CCDC88C: variants seen among roughly 807,000 people sequenced by gnomAD.
CCDC88C encodes coiled-coil and HOOK domain protein 88C, also known as protein Daple.
In CCDC88C, 131 loss-of-function variants were observed where a neutral mutation model predicts 198.8. That is an observed-to-expected ratio of 0.66 (90% CI 0.57 to 0.76). The LOEUF (loss-of-function observed/expected upper bound fraction) is 0.76, where lower values mean the gene tolerates loss of function less well. Among genes scored for constraint, CCDC88C ranks in the 30% least tolerant of loss-of-function variants. The pLI is 0.00. For synonymous variants in CCDC88C, 1,166 were observed against 1,114.7 expected, an observed-to-expected ratio of 1.05 and a Z score of -0.92; for missense variants, 2,553 against 2,631.6, an observed-to-expected ratio of 0.97 and a Z score of 0.65.
chr14:91,313,520 C>A lies in CCDC88C; in HGVS notation c.2296G>T (p.Ala766Ser). ...CTCTGCTGCAGCCGGAGGTTCTCAG[C>A]GCTCACGCTCTGGTAGCTGAGCTCC... ...RLELSYQSVS[A>S]ENLRLQQSLE... The change falls in exon 15 of 30, where the codon GCT becomes TCT. Residue 766 changes from alanine (A) to serine (S), a missense_variant. Ala to Ser is a moderately conservative substitution (Grantham distance 99, BLOSUM62 1). Around this residue, in one of 2 missense-constraint regions of CCDC88C, gnomAD observed 1,260 missense variants for 1,412.0 expected, o/e 0.89. Coordinates refer to ENST00000389857, the MANE Select transcript of CCDC88C (RefSeq NM_001080414.4). This position sits in a 1 kb window ranked among gnomAD's most constrained non-coding sequence, Gnocchi z 5.2. The A allele has an allele frequency of 1.2e-6, 2 of 1,609,162 alleles. No homozygotes were observed. Among genetic ancestry groups the A allele is most frequent in the Non-Finnish European group, 1.7e-6 (2 of 1,179,870 alleles).
At chr14:91,278,355 G>T in intron 28 of CCDC88C, 144 bp from the exon 29 acceptor site, 1 of 752,740 alleles carries the variant, frequency 1.3e-6, no homozygotes, top group Non-Finnish European at 2.0e-6. Context: ...ATTCCCACCA[G>T]GCTGAAAGTC....
intron 13 of CCDC88C, 108 bp downstream of exon 13, chr14:91,321,012 T>C: frequency 9.5e-7 from 1 of 1,052,036 alleles, no homozygotes; most frequent in Non-Finnish European, 1.3e-6. Flanking sequence ...GACACCTGCA[T>C]GCTCTACCTG....
At chr14:91,412,826 T>C (rs1303190042) in intron 2 of CCDC88C, among the ~76,000 whole-genome samples, 2 of 152,168 alleles carry the variant, frequency 1.3e-5, no homozygotes, top group South Asian at 2.1e-4. Context: ...GTAAAAATTG[T>C]TTTTTCCCAA....
At chr14:91,275,037 G>A (rs1889895646) in intron 29 of CCDC88C, among the ~76,000 whole-genome samples, 1 of 152,166 alleles carries the variant, frequency 6.6e-6, no homozygotes, top group East Asian at 1.9e-4. Flanking sequence ...TGGGGGCGCG[G>A]TGGGCATACG....
rs2139728459 is a variant in CCDC88C, at chr14:91,283,223, T to A, written c.4630+106A>T. On this transcript the variant is annotated intron_variant, in intron 26 of 29. Coordinates refer to ENST00000389857, the MANE Select transcript of CCDC88C (RefSeq NM_001080414.4). ...CAGCCTCACCCCTCTACTCACCACC[T>A]CTCAGACTGAGAGGGAGAGCAACCT... The A allele has an allele frequency of 1.2e-5, 14 of 1,170,946 alleles. No homozygotes were observed. The South Asian group carries it at 1.9e-4, about 16-fold the overall frequency. 72.5% of individuals were successfully genotyped at this position (1,170,946 alleles called of 1,614,324 possible).
At chr14:91,331,937 C>A (rs1268151225) in intron 10 of CCDC88C, among the ~76,000 whole-genome samples, 1 of 151,990 alleles carries the variant, frequency 6.6e-6, no homozygotes, top group Non-Finnish European at 1.5e-5. Context: ...TAGACTGTGC[C>A]CAGCTAGGTC....
intron 6 of CCDC88C, among the ~76,000 whole-genome samples, chr14:91,340,728 A>G (rs1409009776): frequency 1.3e-5 from 2 of 152,204 alleles, no homozygotes; most frequent in East Asian, 3.8e-4. Flanking sequence ...AAAACAATGA[A>G]ATCAGGGGTA....
rs1167685927 is a variant in CCDC88C, at chr14:91,415,707, C to CGA, written c.161+1029_161+1030dup. Among the ~76,000 whole-genome samples, 3 of 149,458 alleles carry CGA rather than the reference C, an allele frequency of 2.0e-5. No individual in the cohort carries two copies. The East Asian group carries it at 5.9e-4, about 29-fold the overall frequency. Reference sequence around the variant, plus strand: ...TGCACTCCAGCCTGGGCAACAAGAGCGAAACTCCGTCTCCAAAAAAAAAAA... The same window carrying CGA: ...TGCACTCCAGCCTGGGCAACAAGAGCGAGAAACTCCGTCTCCAAAAAAAAAAA... On this transcript the variant is annotated intron_variant, in intron 2 of 29. Coordinates refer to ENST00000389857, the MANE Select transcript of CCDC88C (RefSeq NM_001080414.4).
At position 91,325,069 on chromosome 14, in the gene CCDC88C, A is replaced by G; in HGVS notation, c.1198-146T>C. On this transcript the variant is annotated intron_variant, in intron 11 of 29. Coordinates refer to ENST00000389857, the MANE Select transcript of CCDC88C (RefSeq NM_001080414.4). This position sits in a 1 kb window ranked among gnomAD's most constrained non-coding sequence, Gnocchi z 4.1. Reference sequence around the variant, plus strand: ...CAAATAAACAGAGCTGCACAGAAACATCCCAACACAGGGCCCTGCTATGAG... The same window carrying G: ...CAAATAAACAGAGCTGCACAGAAACGTCCCAACACAGGGCCCTGCTATGAG... 1 of 1,062,420 alleles carries G rather than the reference A, an allele frequency of 9.4e-7. No individual in the cohort carries two copies. The allele number at this position is 1,062,420 out of a possible 1,614,324, so 65.8% of individuals were successfully genotyped here. A position where few individuals can be genotyped will look rare whatever the true frequency, so the allele number is the denominator to read the frequency against.
intron 2 of CCDC88C, among the ~76,000 whole-genome samples, chr14:91,413,941 T>C (rs1886920028): frequency 6.6e-6 from 1 of 152,178 alleles, no homozygotes; most frequent in African/African-American, 2.4e-5. Flanking sequence ...GTATGGGAGA[T>C]GAGGCAGAAC....
At position 91,415,376 on chromosome 14, in the gene CCDC88C, T is replaced by TA. The variant is rs11306458; in HGVS notation, c.161+1361dup. 5.5e-4 allele frequency among the ~76,000 whole-genome samples: 81 copies of TA among 148,420 alleles called. 1 individual carries two copies. The highest frequency in any genetic ancestry group is 6.8e-3 in the Middle Eastern group (2 of 292). ...TTCCTACACCCACAGCTGTGAACTT[T>TA]AAAAAAAAAAAAGCAAAAACCATTA... On this transcript the variant is annotated intron_variant, in intron 2 of 29. Transcript: ENST00000389857.
chr14:91,316,083 C>T (rs554676521), intron 13 of CCDC88C, among the ~76,000 whole-genome samples: 2 of 152,356 alleles, frequency 1.3e-5, no homozygotes, highest in Admixed American at 6.5e-5. Flanking sequence ...GTTTCACACG[C>T]ACCCAGCTTC....
intron 10 of CCDC88C, among the ~76,000 whole-genome samples, chr14:91,328,674 C>T (rs1004855027): frequency 6.6e-6 from 1 of 152,188 alleles, no homozygotes; most frequent in African/African-American, 2.4e-5. Flanking sequence ...CTGCTACATA[C>T]ACTCTCAACC....
At chr14:91,302,754 C>T (rs1450768531) in intron 20 of CCDC88C, among the ~76,000 whole-genome samples, 3 of 151,962 alleles carry the variant, frequency 2.0e-5, no homozygotes, top group Non-Finnish European at 4.4e-5. Context: ...TCTATATGTT[C>T]GGAAGTTTCC....
chr14:91,313,889 C>T lies in CCDC88C; in HGVS notation c.1927G>A (p.Glu643Lys), dbSNP rs779101769. The T allele has an allele frequency of 2.5e-6, 4 of 1,610,110 alleles. No homozygotes were observed. Among genetic ancestry groups the T allele is most frequent in the Middle Eastern group, 1.6e-4 (1 of 6,062 alleles). Reference protein sequence around the residue: ...LERELQRLQEENGRLARKVTS... With the variant: ...LERELQRLQEKNGRLARKVTS... ...ACCTTCCTGGCCAGCCTCCCGTTCT[C>T]CTCCTGGAGTCGCTGTAGCTCCCTC... Residue 643 changes from glutamate (E) to lysine (K), a missense_variant, in exon 15 of 30, where the codon GAG (glutamate) becomes AAG (lysine). Coordinates refer to ENST00000389857, the MANE Select transcript of CCDC88C (RefSeq NM_001080414.4). This position sits in a 1 kb window ranked among gnomAD's most constrained non-coding sequence, Gnocchi z 5.2.
intron 3 of CCDC88C, among the ~76,000 whole-genome samples, chr14:91,392,486 A>G (rs181826718): frequency 8.9e-4 from 136 of 152,214 alleles, no homozygotes; most frequent in African/African-American, 3.2e-3. Context: ...CACATTTCCA[A>G]TTCCTTTCTG....
Position 91,342,240 on chromosome 14 carries a change from G to A in CCDC88C, c.483+140C>T, listed in dbSNP as rs923845542. The A allele has an allele frequency of 4.7e-5, 27 of 575,116 alleles. 1 individual carries two copies. The East Asian group carries it at 6.9e-4, about 15-fold the overall frequency. 35.6% of individuals were successfully genotyped at this position (575,116 alleles called of 1,614,324 possible). On this transcript the variant is annotated intron_variant, in intron 6 of 29. Coordinates refer to ENST00000389857, the MANE Select transcript of CCDC88C (RefSeq NM_001080414.4). ...TTCCAAATAGAATCAATGTGTCTGT[G>A]GTGTCTGAAACCTAAGATTAGCAAA...
Position 91,293,502 on chromosome 14 carries a change from GCCACGGCCT to G in CCDC88C, c.4112+662_4112+670del, listed in dbSNP as rs1567055549. Among the ~76,000 whole-genome samples the G allele has an allele frequency of 2.4e-4, 31 of 126,540 alleles. 1 individual carries two copies. Among genetic ancestry groups the G allele is most frequent in the Non-Finnish European group, 3.3e-4 (20 of 60,860 alleles). 83.0% of individuals were successfully genotyped at this position (126,540 alleles called of 152,430 possible). A position where few individuals can be genotyped will look rare whatever the true frequency, so the allele number is the denominator to read the frequency against. On this transcript the variant is annotated intron_variant, in intron 23 of 29. Coordinates refer to ENST00000389857, the MANE Select transcript of CCDC88C (RefSeq NM_001080414.4). ...ACAGCTCACCTTCCCATCCTCACCTGCCACGGCCTACCTTCCTGTCCCCTCACCTGCCAC... is the reference window on the plus strand; with the variant it reads ...ACAGCTCACCTTCCCATCCTCACCTGACCTTCCTGTCCCCTCACCTGCCAC...
chr14:91,408,972 C>T (rs946189017), intron 2 of CCDC88C, among the ~76,000 whole-genome samples: 1 of 152,126 alleles, frequency 6.6e-6, no homozygotes, highest in Non-Finnish European at 1.5e-5. Flanking sequence ...GCTCCCTGAC[C>T]CGAGCACCTG....
Sources: gnomAD v4.1 joint callset for allele counts (sites outside exome capture counted in the v4.1 genomes callset) on GRCh38, gnomAD v4.1.1 for gene constraint, gnomAD v4.1.1 regional missense constraint, Gnocchi (gnomAD v3.1) non-coding constraint, MANE v1.5 for transcripts, NCBI Gene and HGNC (gene_info 2026-07-23, HGNC 2026-07-21) for gene names.